The following HYCC1 variants were observed in gnomAD, a reference collection of about 807,000 sequenced individuals.
HYCC1 encodes hyccin PI4KA lipid kinase complex subunit 1.
the HYCC1 span, chr7:22,960,179 G>A: frequency 6.9e-7 from 1 of 1,438,914 alleles, no homozygotes; most frequent in East Asian, 2.3e-5. Flanking sequence ...GAAGTTAGAA[G>A]TTATAGCACC....
chr7:22,948,922 T>C, the HYCC1 span, among the ~76,000 whole-genome samples: 1 of 151,986 alleles, frequency 6.6e-6, no homozygotes, highest in Non-Finnish European at 1.5e-5. Context: ...GGCAAATAAA[T>C]TCTTATTGAG....
chr7:22,961,181 C>T, the HYCC1 span: 1 of 1,175,588 alleles, frequency 8.5e-7, no homozygotes, highest in Non-Finnish European at 1.3e-6. Flanking sequence ...ATTTATAGTT[C>T]TAAATTGAGA....
chr7:22,977,253 C>T, the HYCC1 span: 20 of 841,198 alleles, frequency 2.4e-5, no homozygotes, highest in East Asian at 4.5e-4. Flanking sequence ...ATAAATTGAT[C>T]AATTTTTTTC....
chr7:22,918,937 A>G, the HYCC1 span, among the ~76,000 whole-genome samples: 1 of 152,350 alleles, frequency 6.6e-6, no homozygotes, highest in African/African-American at 2.4e-5. Flanking sequence ...CAAGGAGACA[A>G]CAGATTTCAT....
At chr7:22,967,033 T>C in the HYCC1 span, among the ~76,000 whole-genome samples, 1 of 152,184 alleles carries the variant, frequency 6.6e-6, no homozygotes, top group Non-Finnish European at 1.5e-5. Context: ...ATAGGGATGA[T>C]TGTATGGTTG....
chr7:22,922,114 C>T, the HYCC1 span, among the ~76,000 whole-genome samples: 3 of 150,868 alleles, frequency 2.0e-5, no homozygotes, highest in Admixed American at 2.0e-4. Flanking sequence ...AATCAAACGG[C>T]ATAATCTAAC....
chr7:22,964,867 G>A, the HYCC1 span, among the ~76,000 whole-genome samples: 1 of 152,114 alleles, frequency 6.6e-6, no homozygotes, highest in South Asian at 2.1e-4. Flanking sequence ...AAGCTCAGTG[G>A]CTCACACCTG....
the HYCC1 span, among the ~76,000 whole-genome samples, chr7:22,995,180 C>A: frequency 0.22 from 33,212 of 151,882 alleles, 3,776 homozygotes; most frequent in East Asian, 0.36. Context: ...CAAGATCATT[C>A]TCTTCCTCCT....
At chr7:22,959,649 T>A in the HYCC1 span, among the ~76,000 whole-genome samples, 31 of 151,686 alleles carry the variant, frequency 2.0e-4, no homozygotes, top group East Asian at 5.2e-3. Context: ...GGGAGGGAAA[T>A]GGGAAAGCAC....
chr7:22,964,558 CT>C, the HYCC1 span: 7 of 1,318,850 alleles, frequency 5.3e-6, no homozygotes, highest in Admixed American at 1.2e-4. Context: ...AAATGTATTT[CT>C]AAAATTGGTA....
chr7:22,953,532 G>C, the HYCC1 span, among the ~76,000 whole-genome samples: 1 of 151,762 alleles, frequency 6.6e-6, no homozygotes, highest in African/African-American at 2.4e-5. Context: ...GAGATTTTTT[G>C]TTTTCCTCAA....
At chr7:22,949,075 C>T in the HYCC1 span, among the ~76,000 whole-genome samples, 1 of 151,846 alleles carries the variant, frequency 6.6e-6, no homozygotes, top group East Asian at 1.9e-4. Context: ...AATCAAACTT[C>T]GGAAATTATC....
At chr7:22,996,113 G>GT in the HYCC1 span, among the ~76,000 whole-genome samples, 1 of 151,970 alleles carries the variant, frequency 6.6e-6, no homozygotes, top group Non-Finnish European at 1.5e-5. Context: ...GGCCAACACA[G>GT]TGAAACCCCT....
chr7:22,929,475 T>A, the HYCC1 span, among the ~76,000 whole-genome samples: 1 of 151,914 alleles, frequency 6.6e-6, no homozygotes. Flanking sequence ...GAATCTACAA[T>A]GAACTCAAAC....
At chr7:23,000,820 A>G in the HYCC1 span, among the ~76,000 whole-genome samples, 1 of 152,134 alleles carries the variant, frequency 6.6e-6, no homozygotes, top group African/African-American at 2.4e-5. Flanking sequence ...AGGGATAGAC[A>G]TCTGCATAAG....
the HYCC1 span, among the ~76,000 whole-genome samples, chr7:22,992,904 G>A: frequency 5.3e-5 from 8 of 152,054 alleles, no homozygotes; most frequent in Admixed American, 6.6e-5. Context: ...AATATACAAG[G>A]AACCAAGAAC....
At chr7:22,983,378 T>C in the HYCC1 span, among the ~76,000 whole-genome samples, 7 of 150,572 alleles carry the variant, frequency 4.6e-5, no homozygotes, top group Non-Finnish European at 8.9e-5. Flanking sequence ...GAAAGAGTGG[T>C]AGTGGGGCAA....
chr7:22,949,397 C>CT, the HYCC1 span, among the ~76,000 whole-genome samples: 1 of 152,056 alleles, frequency 6.6e-6, no homozygotes, highest in African/African-American at 2.4e-5. Flanking sequence ...AATACTAACT[C>CT]TAACTCTTCA....
At chr7:22,978,025 C>T in the HYCC1 span, 5 of 579,996 alleles carry the variant, frequency 8.6e-6, no homozygotes, top group Admixed American at 1.5e-4. Flanking sequence ...TTTCAGATAT[C>T]TCTATAAAAG....
Sources: gnomAD v4.1 joint callset for allele counts (sites outside exome capture counted in the v4.1 genomes callset) on GRCh38, gnomAD v4.1.1 for gene constraint, MANE v1.5 for transcripts, NCBI Gene and HGNC (gene_info 2026-07-23, HGNC 2026-07-21) for gene names.